The following RIF1 variants were observed in gnomAD, a reference collection of about 807,000 sequenced individuals.
The protein encoded by RIF1 is replication timing regulatory factor 1.
A neutral mutation model predicts 247.1 loss-of-function variants in RIF1; 45 were observed. The ratio of observed to expected loss-of-function variants is 0.18; its 90% CI spans 0.14 to 0.23. The LOEUF is 0.23. RIF1 is among the 10% of genes least tolerant of loss of function. The pLI, the probability that RIF1 is intolerant of heterozygous loss-of-function variation, is 1.00. For synonymous variants in RIF1, 1,087 were observed against 978.8 expected (o/e 1.11, Z -2.06); for missense variants, 2,967 against 2,862.5 (o/e 1.04, Z -0.83).
At chr2:151,520,476 A>C in the RIF1 span, among the ~76,000 whole-genome samples, 1 of 152,242 alleles carries the variant, frequency 6.6e-6, no homozygotes. Flanking sequence ...CCAATTTAAA[A>C]AATAAGCACA....
chr2:151,506,714 C>G (rs549650292), intron 13 of RIF1, among the ~76,000 whole-genome samples: 38 of 152,228 alleles, frequency 2.5e-4, no homozygotes, highest in African/African-American at 8.9e-4. Flanking sequence ...ACGTTGTTAG[C>G]AGATTTAAAG....
At chr2:151,491,669 T>C in intron 9 of RIF1, 1 of 1,562,034 alleles carries the variant, frequency 6.4e-7, no homozygotes, top group Non-Finnish European at 8.7e-7. Context: ...GTAAGCCTTT[T>C]TCAGCTAACA....
rs751922015 is a variant in RIF1, at chr2:151,465,583, TGAA to T, written c.6067_6069del (p.Glu2023del). The T allele has an allele frequency of 1.2e-6, 2 of 1,613,772 alleles. No homozygotes were observed. The highest frequency in any genetic ancestry group is 1.7e-6 in the Non-Finnish European group (2 of 1,179,870). On this transcript the variant is annotated inframe_deletion, in exon 30 of 36. Transcript: ENST00000444746. ...AAACGAATACCAAAATGAAAAATAA[TGAA>T]GAAATGATGATCGGCGAGGCAATGG...
the RIF1 span, among the ~76,000 whole-genome samples, chr2:151,516,108 GT>G: frequency 6.6e-6 from 1 of 152,196 alleles, no homozygotes; most frequent in African/African-American, 2.4e-5. Flanking sequence ...TCTACTAAGA[GT>G]AGAGCATTTC....
intron 21 of RIF1, among the ~76,000 whole-genome samples, chr2:151,453,677 A>G (rs996112567): frequency 8.6e-5 from 13 of 151,664 alleles, no homozygotes; most frequent in African/African-American, 3.2e-4. Context: ...GGGTCCATTC[A>G]TTACTGGAGT....
At chr2:151,422,920 G>A (rs775904810) in intron 7 of RIF1, 30 bp from the exon 8 acceptor site, 2 of 1,190,770 alleles carry the variant, frequency 1.7e-6, no homozygotes, top group South Asian at 1.3e-5. Flanking sequence ...CTAAGAGTCT[G>A]TTTGGTAAAT....
intron 10 of RIF1, chr2:151,498,200 G>A (rs1456364747): frequency 1.3e-6 from 2 of 1,548,498 alleles, no homozygotes; most frequent in East Asian, 2.4e-5. Context: ...ATAAATAAAT[G>A]TAAAGATCAG....
chr2:151,452,385 G>A (rs1272625543), intron 21 of RIF1, among the ~76,000 whole-genome samples: 2 of 152,168 alleles, frequency 1.3e-5, no homozygotes, highest in Non-Finnish European at 1.5e-5. Context: ...GTGATAATCT[G>A]TCATTAATGA....
chr2:151,509,835 C>T (rs948617781), downstream of RIF1, among the ~76,000 whole-genome samples: 1 of 152,244 alleles, frequency 6.6e-6, no homozygotes, highest in East Asian at 1.9e-4. Flanking sequence ...GTCTCAATCT[C>T]CTGACCTCAT....
intron 9 of RIF1, among the ~76,000 whole-genome samples, chr2:151,429,673 C>T (rs946745666): frequency 1.3e-5 from 2 of 152,122 alleles, no homozygotes; most frequent in East Asian, 1.9e-4. Flanking sequence ...TATCAGTGAT[C>T]GATGACCTTA....
chr2:151,425,433 C>A (rs910183916), intron 8 of RIF1, among the ~76,000 whole-genome samples: 1 of 152,034 alleles, frequency 6.6e-6, no homozygotes, highest in Non-Finnish European at 1.5e-5. Flanking sequence ...TACTTGACAT[C>A]ATATTCATGA....
At chr2:151,472,946 G>T (rs1176340586) in intron 34 of RIF1, among the ~76,000 whole-genome samples, 1 of 152,134 alleles carries the variant, frequency 6.6e-6, no homozygotes, top group Admixed American at 6.5e-5. Flanking sequence ...AGAAGGAATG[G>T]TACCAGCTCC....
In RIF1 at chr2:151,463,902, A is replaced by G; in HGVS notation, c.4382A>G (p.Asp1461Gly). 1 of 1,613,648 alleles carries G rather than the reference A, an allele frequency of 6.2e-7. No homozygotes were observed. Among genetic ancestry groups the G allele is most frequent in the South Asian group, 1.1e-5 (1 of 90,936 alleles). Residue 1461 changes from aspartate to glycine, a missense_variant, in exon 30 of 36, where the codon GAT becomes GGT. Physicochemically the swap from Asp to Gly is moderately conservative, Grantham distance 94. Transcript: ENST00000444746. Reference protein sequence around the residue: ...LQKSPLHIKDDVLPKQKLIAE... With the variant: ...LQKSPLHIKDGVLPKQKLIAE... ...AAGAGTCCATTGCATATAAAAGATG[A>G]TGTGTTACCTAAACAAAAACTGATT...
intron 11 of RIF1, among the ~76,000 whole-genome samples, chr2:151,501,834 GGAGA>G (rs1377696563): frequency 6.6e-6 from 1 of 151,712 alleles, no homozygotes; most frequent in Admixed American, 6.6e-5. Context: ...CAAAGAAAGA[GGAGA>G]GAGAGAGACA....
At chr2:151,525,395 TAG>T in the RIF1 span, 15 of 692,700 alleles carry the variant, frequency 2.2e-5, no homozygotes, top group Non-Finnish European at 1.2e-5. Context: ...GTCTGGGACT[TAG>T]ATAAGACCCA....
At position 151,506,154 on chromosome 2, in the gene RIF1, C is replaced by G. The variant is rs2068708074; in HGVS notation, c.*862-56C>G. On this transcript the variant is annotated intron_variant and NMD_transcript_variant, in intron 12 of 13. Transcript: ENST00000454583. Reference sequence around the variant, plus strand: ...GCAGAAAATATTGCAAGTGCATTCACTGTGTCTTTACCGAGCTAATGTGGT... The same window carrying G: ...GCAGAAAATATTGCAAGTGCATTCAGTGTGTCTTTACCGAGCTAATGTGGT... 6.3e-7 allele frequency: 1 copy of G among 1,594,416 alleles called. No homozygotes were observed. Among genetic ancestry groups the G allele is most frequent in the African/African-American group, 1.3e-5 (1 of 74,454 alleles).
chr2:151,472,166 CTG>C (rs1177684285), intron 34 of RIF1, among the ~76,000 whole-genome samples: 1 of 152,116 alleles, frequency 6.6e-6, no homozygotes, highest in Admixed American at 6.5e-5. Flanking sequence ...ATTTGGCTCT[CTG>C]TTTGTCTGTT....
intron 21 of RIF1, among the ~76,000 whole-genome samples, chr2:151,452,935 G>T (rs769294530): frequency 6.6e-6 from 1 of 152,184 alleles, no homozygotes. Flanking sequence ...TTCTCTTGCT[G>T]TAAAATTTGG....
chr2:151,423,929 A>G (rs1688576256), intron 8 of RIF1, among the ~76,000 whole-genome samples: 1 of 152,060 alleles, frequency 6.6e-6, no homozygotes, highest in Non-Finnish European at 1.5e-5. Context: ...CCTAACAAAA[A>G]CTGTACCCAT....
Sources: allele counts gnomAD v4.1 joint callset (sites outside exome capture counted in the v4.1 genomes callset), GRCh38; gene constraint gnomAD v4.1.1; transcripts MANE v1.5; gene names NCBI Gene and HGNC (gene_info 2026-07-23, HGNC 2026-07-21).